Variants in ACD observed in about 807,000 individuals in gnomAD.
ACD encodes the protein adrenocortical dysplasia protein homolog.
Under a neutral mutation model 53.9 loss-of-function variants are expected in ACD, and 39 were observed. The ratio of observed to expected loss-of-function variants is 0.72; its 90% confidence interval spans 0.56 to 0.95. ACD has a LOEUF of 0.95. Ranked by LOEUF, ACD falls within the 40% of genes least tolerant of loss-of-function variation. ACD has a pLI of 0.00. For missense variants in ACD, 526 were observed against 587.9 expected, an observed-to-expected ratio of 0.89 and a Z score of 1.09; for synonymous variants, 273 against 249.2, an observed-to-expected ratio of 1.10 and a Z score of -0.90.
intron 4 of ACD, 32 bp from the exon 5 acceptor site, chr16:67,659,451 C>A (rs1306812056): frequency 1.2e-6 from 2 of 1,614,042 alleles, no homozygotes. Flanking sequence ...TTAATGGGGG[C>A]CCAAGCCCTC....
Position 67,659,085 on chromosome 16 carries a change from G to T in ACD, c.494-6C>A. 1 of 1,613,624 alleles carries T rather than the reference G, an allele frequency of 6.2e-7. No individual in the cohort carries two copies. Among genetic ancestry groups the T allele is most frequent in the South Asian group, 1.1e-5 (1 of 91,074 alleles). ...AAGCTGGGACAGTGATAGGCCTGGG[G>T]ACAGGGGACCATGGGATGAGTCAAG... On this transcript the variant is annotated splice_polypyrimidine_tract_variant and splice_region_variant and intron_variant, in intron 6 of 11. Coordinates refer to ENST00000620761, the MANE Select transcript of ACD (RefSeq NM_001082486.2).
Position 67,657,998 on chromosome 16 carries a change from G to C in ACD, c.1194C>G (p.Pro398=). ...GGGCTATGCTCACCCAGACAGAGCA[G>C]GGCTCCTGGGCTCCCCTGGTAGCTC... The part of the protein sequence containing the change: ...RTGATRGAQE[P]CSVWEPPKRH... Residue 398 remains proline, a synonymous_variant, in exon 10 of 12, where the codon CCC becomes CCG. Transcript: ENST00000620761. The surrounding 1 kb of genome is among the most constrained non-coding windows in gnomAD (Gnocchi z 4.5). The C allele has an allele frequency of 1.3e-6, 2 of 1,556,870 alleles. No individual in the cohort carries two copies. The highest frequency in any genetic ancestry group is 3.8e-5 in the Admixed American group (2 of 53,010).
rs2052944813 is a variant in ACD at position 67,659,217 on chromosome 16, G to A, written c.493+12C>T. The A allele has an allele frequency of 2.5e-6, 4 of 1,613,974 alleles. No homozygotes were observed. Among genetic ancestry groups the A allele is most frequent in the South Asian group, 1.1e-5 (1 of 91,090 alleles). The stretch of plus-strand genomic sequence containing the variant: ...ACAGCGTGTTAGGATCACTGGTCAA[G>A]CTCTACAGTACCTGCATTGGACGAG... On this transcript the variant is annotated intron_variant, in intron 6 of 11. Coordinates refer to ENST00000620761, the MANE Select transcript of ACD (RefSeq NM_001082486.2).
chr16:67,658,221 G>A lies in ACD; in HGVS notation c.971C>T (p.Ala324Val). 1 of 1,613,310 alleles carries A rather than the reference G, an allele frequency of 6.2e-7. No homozygotes were observed. The highest frequency in any genetic ancestry group is 8.5e-7 in the Non-Finnish European group (1 of 1,179,946). The change falls in exon 10 of 12, where the codon GCC (alanine) becomes GTC (valine). Residue 324 changes from alanine to valine, a missense_variant. By Grantham distance (64) the Ala-to-Val change is moderately conservative (BLOSUM62 0). Transcript: ENST00000620761. ...QPSPAICSAP[A>V]TLTPRSPHAS... ...GTGTGGGGACCTGGGGGTCAGGGTG[G>A]CAGGGGCTGAGCAGATGGCTGGTGA...
rs767844152 is a variant in ACD at position 67,659,979 on chromosome 16, C to G, written c.166G>C (p.Ala56Pro). The G allele has an allele frequency of 2.5e-6, 4 of 1,608,924 alleles. No individual in the cohort carries two copies. The South Asian group carries it at 4.4e-5, about 18-fold the overall frequency. Residue 56 changes from alanine to proline, a missense_variant, in exon 2 of 12, where the codon GCC becomes CCC. Transcript: ENST00000620761. ...SHAPDTSDVG[A>P]TLLVSDGTHS... ...GTCCCGTCAGACACAAGCAGCGTGG[C>G]CCCGACGTCGGACGTATCAGGGGCG...
rs748834837 is a variant in ACD at position 67,658,260 on chromosome 16, C to T, written c.932G>A (p.Ser311Asn). 8 of 1,613,534 alleles carry T rather than the reference C, an allele frequency of 5.0e-6. No individual in the cohort carries two copies. The East Asian group carries it at 1.1e-4, about 22-fold the overall frequency. ...SLAAPDPGQR[S>N]SSQPSPAICS... ...GATGGCTGGTGAGGGCTGGGAGCTGCTTCTCTGCCCTGGGTCTGGAGCAGC... is the reference window on the plus strand; with the variant it reads ...GATGGCTGGTGAGGGCTGGGAGCTGTTTCTCTGCCCTGGGTCTGGAGCAGC... The change falls in exon 10 of 12, where the codon AGC (serine) becomes AAC (asparagine). Residue 311 changes from serine to asparagine, a missense_variant. Transcript: ENST00000620761.
rs777238079 is a variant in ACD at position 67,659,236 on chromosome 16, G to A, written c.486C>T (p.Ser162=). Residue 162 remains serine, a synonymous_variant, in exon 6 of 12, where the codon TCC becomes TCT. Coordinates refer to ENST00000620761, the MANE Select transcript of ACD (RefSeq NM_001082486.2). The part of the protein sequence containing the change: ...LEEHLSESTS[S]NAGLSLSQLL... ...GGTCAAGCTCTACAGTACCTGCATTGGACGAGGTGGACTCTGAAAGGTGCT... is the reference window on the plus strand; with the variant it reads ...GGTCAAGCTCTACAGTACCTGCATTAGACGAGGTGGACTCTGAAAGGTGCT... 12 of 1,614,010 alleles carry A rather than the reference G, an allele frequency of 7.4e-6. No individual in the cohort carries two copies. Among genetic ancestry groups the A allele is most frequent in the Admixed American group, 3.3e-5 (2 of 60,002 alleles).
In ACD at chr16:67,659,222, A is replaced by T. The variant is rs199626332; in HGVS notation, c.493+7T>A. ...GTGTTAGGATCACTGGTCAAGCTCT[A>T]CAGTACCTGCATTGGACGAGGTGGA... On this transcript the variant is annotated splice_region_variant and intron_variant, in intron 6 of 11. Transcript: ENST00000620761. 6 of 1,614,128 alleles carry T rather than the reference A, an allele frequency of 3.7e-6. No homozygotes were observed. Among genetic ancestry groups the T allele is most frequent in the Non-Finnish European group, 5.1e-6 (6 of 1,180,004 alleles).
chr16:67,658,511 C>T (rs1236494057), intron 9 of ACD, 44 bp downstream of exon 9: 2 of 1,569,708 alleles, frequency 1.3e-6, no homozygotes, highest in Non-Finnish European at 1.7e-6. Context: ...GGGAACCTGA[C>T]TGACAGGCGG....
chr16:67,657,673 T>C lies in ACD; in HGVS notation c.1310A>G (p.Gln437Arg), dbSNP rs1367801477. Residue 437 changes from glutamine (Q) to arginine (R), a missense_variant, in exon 12 of 12, where the codon CAG (glutamine) becomes CGG (arginine). Gln to Arg is a conservative substitution (Grantham distance 43). Coordinates refer to ENST00000620761, the MANE Select transcript of ACD (RefSeq NM_001082486.2). The surrounding 1 kb of genome is among the most constrained non-coding windows in gnomAD (Gnocchi z 4.5). ...AAAGTGCAAGGCCCAGGCCATGAGC[T>C]GGGGAGGAAGCCTGGAAAGAAACCA... ...ARVQAVRLPP[Q>R]LMAWALHFLM... 1 of 1,614,128 alleles carries C rather than the reference T, an allele frequency of 6.2e-7. No homozygotes were observed. The highest frequency in any genetic ancestry group is 1.1e-5 in the South Asian group (1 of 91,088).
chr16:67,658,734 CAG>C lies in ACD; in HGVS notation c.726_727del (p.Cys243SerfsTer7), dbSNP rs2052930407. 2.5e-6 allele frequency: 4 copies of C among 1,612,350 alleles called. No homozygotes were observed. The highest frequency in any genetic ancestry group is 3.4e-6 in the Non-Finnish European group (4 of 1,178,964). ...GTCCCCCTTACCCTGTGTCCTCTGA[CAG>C]GGGCCTAGAGAGCTCAGAATTAGCT... On this transcript the variant is annotated frameshift_variant, in exon 8 of 12. Transcript: ENST00000620761. LOFTEE classifies it high-confidence loss of function.
At chr16:67,659,153 A>T in intron 6 of ACD, 74 bp from the exon 7 acceptor site, 1 of 1,609,486 alleles carries the variant, frequency 6.2e-7, no homozygotes. Context: ...AAGACAGCTT[A>T]TTGAGGAAGC....
chr16:67,658,641 C>G lies in ACD; in HGVS notation c.743G>C (p.Gly248Ala). Residue 248 changes from glycine (G) to alanine (A), a missense_variant and splice_region_variant, in exon 9 of 12, where the codon GGC (glycine) becomes GCC (alanine). Coordinates refer to ENST00000620761, the MANE Select transcript of ACD (RefSeq NM_001082486.2). ...SSLGPCQRTQ[G>A]PELPPPDPAL... ...CGGGTCTGGTGGGGGCAGCTCAGGG[C>G]CTGGGGGGTTCAGGAAGTCTTATCA... 1 of 1,579,590 alleles carries G rather than the reference C, an allele frequency of 6.3e-7. No individual in the cohort carries two copies. The highest frequency in any genetic ancestry group is 1.2e-5 in the South Asian group (1 of 85,966).
rs1483246179 is a variant in ACD at position 67,658,759 on chromosome 16, G to A, written c.703C>T (p.Leu235=). 1.2e-6 allele frequency: 2 copies of A among 1,613,466 alleles called. No homozygotes were observed. Among genetic ancestry groups the A allele is most frequent in the East Asian group, 2.2e-5 (1 of 44,874 alleles). The change falls in exon 8 of 12, where the codon CTA becomes TTA. Residue 235 remains leucine (L), a synonymous_variant. Coordinates refer to ENST00000620761, the MANE Select transcript of ACD (RefSeq NM_001082486.2). ...SMLCISENDQ[L]ILSSLGPCQR... ...CAGGGGCCTAGAGAGCTCAGAATTAGCTGGTCATTCTCAGAGATGCACAGC... is the reference window on the plus strand; with the variant it reads ...CAGGGGCCTAGAGAGCTCAGAATTAACTGGTCATTCTCAGAGATGCACAGC...
rs1434100594 is a variant in ACD, at chr16:67,658,315, T to C, written c.877A>G (p.Ser293Gly). The change falls in exon 10 of 12, where the codon AGC becomes GGC. Residue 293 changes from serine to glycine, a missense_variant. Coordinates refer to ENST00000620761, the MANE Select transcript of ACD (RefSeq NM_001082486.2). ...GHMSSEESGTSISLLPALSLA... is the reference protein window; with the variant it reads ...GHMSSEESGTGISLLPALSLA... ...GACAGGGCAGGCAGAAGGCTGATGC[T>C]GGTACCACTTTCCTCGGATGACATG... The C allele has an allele frequency of 6.2e-7, 1 of 1,613,738 alleles. No individual in the cohort carries two copies. The highest frequency in any genetic ancestry group is 1.3e-5 in the African/African-American group (1 of 74,928).
intron 9 of ACD, 66 bp from the exon 10 acceptor site, chr16:67,658,428 G>A (rs2052920582): frequency 6.2e-7 from 1 of 1,609,952 alleles, no homozygotes; most frequent in South Asian, 1.1e-5. Context: ...TGGCCTGCGA[G>A]CTCAGACAGG....
In ACD at chr16:67,657,566, G is replaced by C; in HGVS notation, c.*40C>G. On this transcript the variant is annotated 3_prime_UTR_variant, in exon 12 of 12. Transcript: ENST00000620761. This position sits in a 1 kb window ranked among gnomAD's most constrained non-coding sequence, Gnocchi z 4.5. ...AGATTATTTTATTAAAAAACTCAAA[G>C]GAAGCAGAGTGTGGAGCGGTATCTG... The C allele has an allele frequency of 6.2e-7, 1 of 1,614,004 alleles. No homozygotes were observed. The highest frequency in any genetic ancestry group is 8.5e-7 in the Non-Finnish European group (1 of 1,179,884).
Position 67,658,120 on chromosome 16 carries a change from G to A in ACD, c.1072C>T (p.His358Tyr). 6.3e-7 allele frequency: 1 copy of A among 1,592,710 alleles called. No homozygotes were observed. The highest frequency in any genetic ancestry group is 8.6e-7 in the Non-Finnish European group (1 of 1,168,604). ...TGGGGCCTGGTCACAAGAGCCTGGT[G>A]TGGACTGGGGACATGGCTACGGGGT... ...LSPRSHVPSP[H>Y]QALVTRPQKP... Residue 358 changes from histidine to tyrosine, a missense_variant, in exon 10 of 12, where the codon CAC (histidine) becomes TAC (tyrosine). Physicochemically the swap from His to Tyr is moderately conservative, Grantham distance 83. Transcript: ENST00000620761.
At chr16:67,659,658 A>C in intron 3 of ACD, 44 bp downstream of exon 3, 1 of 1,613,006 alleles carries the variant, frequency 6.2e-7, no homozygotes, top group Non-Finnish European at 8.5e-7. Flanking sequence ...ATCGTCACGA[A>C]GAGTCATGCC....
Sources: gnomAD v4.1 joint callset for allele counts on GRCh38, gnomAD v4.1.1 for gene constraint, Gnocchi (gnomAD v3.1) non-coding constraint, MANE v1.5 for transcripts, NCBI Gene and HGNC (gene_info 2026-07-23, HGNC 2026-07-21) for gene names.